GAB1: variants seen among roughly 807,000 people sequenced by gnomAD.
GAB1 encodes GRB2-associated-binding protein 1.
GAB1 carries 19 observed loss-of-function variants against 66.5 expected under a neutral mutation model. That is an observed-to-expected ratio of 0.29 (90% CI 0.20 to 0.42). The LOEUF is 0.42. GAB1 is among the 10% of genes least tolerant of loss of function. The probability of loss-of-function intolerance (pLI) is 1.00; values close to 1 mark genes in which losing one functional copy is unlikely to be tolerated. For missense variants in GAB1, 732 were observed against 858.5 expected (o/e 0.85, Z 1.84); for synonymous variants, 294 against 301.4 (o/e 0.98, Z 0.25).
At position 143,369,088 on chromosome 4, in the gene GAB1, C is replaced by T. The variant is rs148316458; in HGVS notation, c.72+31828C>T. Among the ~76,000 whole-genome samples, 585 of 152,220 alleles carry T rather than the reference C, an allele frequency of 3.8e-3. 2 individuals are homozygous for T. Among genetic ancestry groups the T allele is most frequent in the African/African-American group, 0.013 (536 of 41,552 alleles). ...CCGAGTAGCTAGGATTACAGGTGTG[C>T]ACCACCACGCTCAGGTAATTGTTTT... is the stretch of plus-strand genomic sequence containing the variant. On this transcript the variant is annotated intron_variant, in intron 1 of 9. Coordinates refer to ENST00000262994, the MANE Select transcript of GAB1 (RefSeq NM_002039.4).
chr4:143,336,964 C>T lies in GAB1; in HGVS notation c.-225C>T. The stretch of plus-strand genomic sequence containing the variant: ...CGGGCGCACTGAAAGGAGGCCGGCG[C>T]GCCCGCGGCCCCGGCTCGCGTTCTG... On this transcript the variant is annotated 5_prime_UTR_variant, in exon 1 of 10. Transcript: ENST00000262994. The T allele has an allele frequency of 2.1e-6, 1 of 482,704 alleles. No individual in the cohort carries two copies. The allele number at this position is 482,704 out of a possible 1,614,324, so 29.9% of individuals were successfully genotyped here.
At chr4:143,457,305 C>T (rs1347899466) in intron 6 of GAB1, among the ~76,000 whole-genome samples, 1 of 152,166 alleles carries the variant, frequency 6.6e-6, no homozygotes, top group Admixed American at 6.5e-5. Flanking sequence ...GGGTATTCTA[C>T]AAATTTTTTA....
chr4:143,437,968 GTTTA>G, intron 3 of GAB1, 27 bp from the exon 4 acceptor site: 1 of 1,582,234 alleles, frequency 6.3e-7, no homozygotes, highest in South Asian at 1.2e-5. Context: ...TCTCCACCTT[GTTTA>G]TTCTGTCATT....
chr4:143,440,080 A>C lies in GAB1; in HGVS notation c.1283A>C (p.Lys428Thr), dbSNP rs774197436. 5.6e-6 allele frequency: 9 copies of C among 1,611,502 alleles called. No individual in the cohort carries two copies. The highest frequency in any genetic ancestry group is 7.6e-6 in the Non-Finnish European group (9 of 1,178,586). The change falls in exon 6 of 10, where the codon AAA (lysine) becomes ACA (threonine). Residue 428 changes from lysine (K) to threonine (T), a missense_variant and splice_region_variant. Coordinates refer to ENST00000262994, the MANE Select transcript of GAB1 (RefSeq NM_002039.4). ...AAAAGAAATATATATGTGTTTTAGA[A>C]AGTCAAAAATGTGTTGACAGTGGGA... ...SSLEGFHNHF[K>T]VKNVLTVGSV...
At chr4:143,402,049 T>C (rs1731803607) in intron 1 of GAB1, among the ~76,000 whole-genome samples, 1 of 141,328 alleles carries the variant, frequency 7.1e-6, no homozygotes, top group East Asian at 2.0e-4. Flanking sequence ...GCTAAGTTTA[T>C]GTTTGCAGGG....
intron 2 of GAB1, among the ~76,000 whole-genome samples, chr4:143,423,828 A>ATATATATG (rs1733174576): frequency 9.8e-6 from 1 of 101,688 alleles, no homozygotes; most frequent in Non-Finnish European, 2.0e-5. Flanking sequence ...ATATATATAT[A>ATATATATG]TATATATATG....
intron 1 of GAB1, among the ~76,000 whole-genome samples, chr4:143,392,871 TG>T (rs1294839011): frequency 1.3e-5 from 2 of 152,192 alleles, no homozygotes; most frequent in Non-Finnish European, 2.9e-5. Flanking sequence ...GATGGATATC[TG>T]AGGTTTTTTA....
Position 143,469,211 on chromosome 4 carries a change from G to T in GAB1, c.*22G>T. ...ATGAAAATATTGCCTTGCCATTTCTGAACAAAAGAAAACTGAATTGTAAAG... is the reference window on the plus strand; with the variant it reads ...ATGAAAATATTGCCTTGCCATTTCTTAACAAAAGAAAACTGAATTGTAAAG... On this transcript the variant is annotated 3_prime_UTR_variant, in exon 10 of 10. Coordinates refer to ENST00000262994, the MANE Select transcript of GAB1 (RefSeq NM_002039.4). 6.2e-7 allele frequency: 1 copy of T among 1,611,428 alleles called. No homozygotes were observed. Among genetic ancestry groups the T allele is most frequent in the South Asian group, 1.1e-5 (1 of 90,888 alleles).
chr4:143,441,889 C>T (rs1409889742), intron 6 of GAB1, among the ~76,000 whole-genome samples: 6 of 152,162 alleles, frequency 3.9e-5, no homozygotes, highest in Admixed American at 6.5e-5. Flanking sequence ...ATTATTTACT[C>T]ACTTTAGATT....
intron 8 of GAB1, among the ~76,000 whole-genome samples, chr4:143,462,568 ATT>A (rs34826439): frequency 4.0e-5 from 6 of 148,884 alleles, no homozygotes; most frequent in Admixed American, 6.7e-5. Context: ...TCAAAATACA[ATT>A]TTTTTTTTTT....
chr4:143,413,424 T>C (rs537486107), intron 1 of GAB1, among the ~76,000 whole-genome samples: 79 of 152,340 alleles, frequency 5.2e-4, no homozygotes, highest in African/African-American at 1.8e-3. Context: ...TATAGGACTC[T>C]ACCCTGCCTT....
intron 6 of GAB1, among the ~76,000 whole-genome samples, chr4:143,455,770 T>C (rs954020831): frequency 1.1e-4 from 16 of 152,340 alleles, no homozygotes; most frequent in African/African-American, 3.8e-4. Flanking sequence ...CCTTAGTTTG[T>C]GACTGTGTGG....
At chr4:143,451,988 C>T (rs1734953753) in intron 6 of GAB1, among the ~76,000 whole-genome samples, 1 of 152,170 alleles carries the variant, frequency 6.6e-6, no homozygotes. Flanking sequence ...GAGCACCCCG[C>T]TCTTTGCTGC....
intron 1 of GAB1, among the ~76,000 whole-genome samples, chr4:143,356,610 C>A (rs1313927525): frequency 3.3e-5 from 5 of 152,176 alleles, no homozygotes; most frequent in Non-Finnish European, 5.9e-5. Context: ...GCTCAGCCAA[C>A]AGTCAGTAAT....
chr4:143,344,903 A>G (rs1383647590), intron 1 of GAB1, among the ~76,000 whole-genome samples: 1 of 152,214 alleles, frequency 6.6e-6, no homozygotes, highest in Non-Finnish European at 1.5e-5. Context: ...ACCTTCTCCC[A>G]GCCCGTTTTT....
intron 2 of GAB1, among the ~76,000 whole-genome samples, chr4:143,428,581 T>C (rs1010643693): frequency 1.3e-5 from 2 of 152,118 alleles, no homozygotes; most frequent in African/African-American, 4.8e-5. Context: ...TGATCCAGAT[T>C]TATCCATCCC....
At chr4:143,375,851 A>G (rs1581242671) in intron 1 of GAB1, among the ~76,000 whole-genome samples, 1 of 152,208 alleles carries the variant, frequency 6.6e-6, no homozygotes, top group East Asian at 1.9e-4. Context: ...TCTGCCCACT[A>G]GATGCCAGTA....
intron 1 of GAB1, among the ~76,000 whole-genome samples, chr4:143,375,749 T>C (rs1412497566): frequency 2.0e-5 from 3 of 152,226 alleles, no homozygotes; most frequent in Admixed American, 6.5e-5. Flanking sequence ...TCTCAACCTC[T>C]GCACTGTTGA....
At chr4:143,402,378 C>A (rs140061949) in intron 1 of GAB1, among the ~76,000 whole-genome samples, 109 of 152,256 alleles carry the variant, frequency 7.2e-4, no homozygotes, top group African/African-American at 2.3e-3. Flanking sequence ...TTTAACATGC[C>A]TACCCTTCTG....
Sources: allele counts gnomAD v4.1 joint callset (sites outside exome capture counted in the v4.1 genomes callset), GRCh38; gene constraint gnomAD v4.1.1; transcripts MANE v1.5; gene names NCBI Gene and HGNC (gene_info 2026-07-23, HGNC 2026-07-21).